The following NTNG1 variants were observed in gnomAD, a reference collection of about 807,000 sequenced individuals.
The protein encoded by NTNG1 is netrin G1.
In NTNG1, 16 loss-of-function variants were observed where a neutral mutation model predicts 54.0. That is an observed-to-expected ratio of 0.30 (90% confidence interval 0.20 to 0.45). The LOEUF (loss-of-function observed/expected upper bound fraction) is 0.45, where lower values mean the gene tolerates loss of function less well. Among genes scored for constraint, NTNG1 ranks in the 20% least tolerant of loss-of-function variants. NTNG1 has a pLI of 1.00. For missense variants in NTNG1, 530 were observed against 678.7 expected, an observed-to-expected ratio of 0.78 and a Z score of 2.43; for synonymous variants, 255 against 263.1, an observed-to-expected ratio of 0.97 and a Z score of 0.30.
intron 2 of NTNG1, among the ~76,000 whole-genome samples, chr1:107,307,820 A>G (rs757772175): frequency 1.3e-5 from 2 of 152,046 alleles, no homozygotes; most frequent in Non-Finnish European, 2.9e-5. Flanking sequence ...TCTCACTTCT[A>G]CGTAAGCTGT....
In NTNG1 at chr1:107,341,058, G is replaced by A. The variant is rs1324685068; in HGVS notation, c.887+16136G>A. Among the ~76,000 whole-genome samples, 4 of 152,166 alleles carry A rather than the reference G, an allele frequency of 2.6e-5. 1 individual carries two copies. The East Asian group carries it at 7.7e-4, about 29-fold the overall frequency. ...AATTCCAGTGCTTTGAGAGGCCAAA[G>A]TGAAAAGATTTCTTGAGGCCAGGAG... On this transcript the variant is annotated intron_variant, in intron 3 of 7. Coordinates refer to ENST00000370068, the MANE Select transcript of NTNG1 (RefSeq NM_001113226.3).
chr1:107,468,816 G>C (rs1033045004), intron 7 of NTNG1, among the ~76,000 whole-genome samples: 1 of 150,388 alleles, frequency 6.6e-6, no homozygotes, highest in East Asian at 1.9e-4. Context: ...ATGATAGGAA[G>C]GCCGGGTGTG....
rs142557980 is a variant in NTNG1, at chr1:107,397,826, T to C, written c.1060+2500T>C. Among the ~76,000 whole-genome samples the C allele has an allele frequency of 2.3e-3, 349 of 152,182 alleles. 1 individual carries two copies. Among genetic ancestry groups the C allele is most frequent in the African/African-American group, 7.8e-3 (326 of 41,536 alleles). ...TAACCATTATCGACTCCAATTCTTATGTGCTAATGTTTTCATGTCCTTTAC... is the reference window on the plus strand; with the variant it reads ...TAACCATTATCGACTCCAATTCTTACGTGCTAATGTTTTCATGTCCTTTAC... On this transcript the variant is annotated intron_variant, in intron 4 of 7. Transcript: ENST00000370068.
chr1:107,217,761 G>A (rs544958983), intron 2 of NTNG1, among the ~76,000 whole-genome samples: 1 of 152,138 alleles, frequency 6.6e-6, no homozygotes, highest in East Asian at 1.9e-4. Context: ...TGGTTTTGAG[G>A]GTTCCTTTGG....
intron 2 of NTNG1, among the ~76,000 whole-genome samples, chr1:107,319,647 T>C (rs540545806): frequency 2.2e-4 from 33 of 152,218 alleles, no homozygotes; most frequent in African/African-American, 7.7e-4. Context: ...TCATTCTTTT[T>C]TCATGATTCG....
intron 5 of NTNG1, among the ~76,000 whole-genome samples, chr1:107,413,995 A>G (rs988251033): frequency 2.6e-5 from 4 of 152,226 alleles, no homozygotes; most frequent in Admixed American, 2.6e-4. Flanking sequence ...AAGGCCATCC[A>G]CAAAATGACT....
At chr1:107,163,955 A>G (rs1253192096) in intron 2 of NTNG1, among the ~76,000 whole-genome samples, 1 of 152,190 alleles carries the variant, frequency 6.6e-6, no homozygotes, top group African/African-American at 2.4e-5. Context: ...CTGCCATATT[A>G]TCCATATTAT....
intron 2 of NTNG1, among the ~76,000 whole-genome samples, chr1:107,287,497 C>T (rs994119238): frequency 2.0e-5 from 3 of 152,116 alleles, no homozygotes; most frequent in South Asian, 2.1e-4. Flanking sequence ...CCTGTAGTCC[C>T]GACTACTCAG....
chr1:107,380,369 A>G (rs1671567752), intron 3 of NTNG1, among the ~76,000 whole-genome samples: 1 of 152,188 alleles, frequency 6.6e-6, no homozygotes, highest in African/African-American at 2.4e-5. Context: ...AGGTGTGTGG[A>G]GAAGAGCTAA....
intron 5 of NTNG1, among the ~76,000 whole-genome samples, chr1:107,418,004 C>A (rs1376730573): frequency 6.6e-6 from 1 of 152,044 alleles, no homozygotes; most frequent in East Asian, 1.9e-4. Context: ...TTAAATACAA[C>A]TGGAAGCATC....
At chr1:107,347,970 T>C (rs1359849833) in intron 3 of NTNG1, among the ~76,000 whole-genome samples, 3 of 152,064 alleles carry the variant, frequency 2.0e-5, no homozygotes, top group Non-Finnish European at 4.4e-5. Context: ...ATCATGAGGA[T>C]TACAATTTGA....
Position 107,445,632 on chromosome 1 carries a change from T to C in NTNG1, c.1390+8833T>C, listed in dbSNP as rs188733487. 1.6e-4 allele frequency among the ~76,000 whole-genome samples: 24 copies of C among 152,226 alleles called. 1 individual carries two copies. The East Asian group carries it at 3.9e-3, about 25-fold the overall frequency. ...TTATTGTTAATCAAATGGCATTTTA[T>C]AGGATTTTGTCACTTTTACTTTGCA... On this transcript the variant is annotated intron_variant, in intron 7 of 7. Coordinates refer to ENST00000370068, the MANE Select transcript of NTNG1 (RefSeq NM_001113226.3).
chr1:107,369,555 T>A (rs1412162056), intron 3 of NTNG1, among the ~76,000 whole-genome samples: 1 of 152,184 alleles, frequency 6.6e-6, no homozygotes, highest in African/African-American at 2.4e-5. Flanking sequence ...TGGTGAAGTG[T>A]CAGTTCAAAA....
intron 7 of NTNG1, chr1:107,455,592 C>A (rs1242380537): frequency 2.0e-6 from 1 of 492,650 alleles, no homozygotes; most frequent in Non-Finnish European, 4.1e-6. Flanking sequence ...ACAGGCAGGG[C>A]AACCACAAAG....
intron 5 of NTNG1, among the ~76,000 whole-genome samples, chr1:107,425,309 C>A (rs1219756782): frequency 6.6e-6 from 1 of 151,886 alleles, no homozygotes; most frequent in Non-Finnish European, 1.5e-5. Context: ...TTAGTAATTA[C>A]CAGTAGGTAA....
chr1:107,473,028 G>T (rs1405879181), intron 7 of NTNG1, among the ~76,000 whole-genome samples: 1 of 152,110 alleles, frequency 6.6e-6, no homozygotes, highest in Non-Finnish European at 1.5e-5. Flanking sequence ...TTTGGTGGAG[G>T]TTATTCACTC....
In NTNG1 at chr1:107,324,686, T is replaced by C. The variant is rs765117097; in HGVS notation, c.651T>C (p.Asn217=). The change falls in exon 3 of 8, where the codon AAT becomes AAC. Residue 217 remains asparagine, a synonymous_variant. Transcript: ENST00000370068. ...AGTACTCAACAGGGTATACAACAAA[T>C]AGCAAAATAATCCACTTTGAAATCA... ...TEEYSTGYTT[N]SKIIHFEIKD... 1.9e-6 allele frequency: 3 copies of C among 1,613,572 alleles called. No individual in the cohort carries two copies. The South Asian group carries it at 3.3e-5, about 18-fold the overall frequency.
At chr1:107,167,008 A>C (rs1456182032) in intron 2 of NTNG1, among the ~76,000 whole-genome samples, 1 of 152,102 alleles carries the variant, frequency 6.6e-6, no homozygotes, top group Non-Finnish European at 1.5e-5. Context: ...CTAGGTCGTA[A>C]TCTCTGACAT....
At chr1:107,238,222 A>C (rs1661549375) in intron 2 of NTNG1, among the ~76,000 whole-genome samples, 1 of 152,188 alleles carries the variant, frequency 6.6e-6, no homozygotes. Flanking sequence ...TGACTGCCCC[A>C]CTGGATTTCA....
Sources: allele counts gnomAD v4.1 joint callset (sites outside exome capture counted in the v4.1 genomes callset), GRCh38; gene constraint gnomAD v4.1.1; transcripts MANE v1.5; gene names NCBI Gene and HGNC (gene_info 2026-07-23, HGNC 2026-07-21).